Variants in ZFYVE1 observed in about 807,000 individuals in gnomAD.
ZFYVE1 encodes the protein zinc finger FYVE domain-containing protein 1.
In ZFYVE1, 30 loss-of-function variants were observed where a neutral mutation model predicts 74.4. The ratio of observed to expected loss-of-function variants is 0.40; its 90% CI spans 0.30 to 0.55. ZFYVE1 has a LOEUF of 0.55. ZFYVE1 is among the 20% of genes least tolerant of loss of function. ZFYVE1 has a pLI of 0.42. For synonymous variants in ZFYVE1, 335 were observed against 385.1 expected (o/e 0.87, Z 1.52); for missense variants, 703 against 1,011.6 (o/e 0.69, Z 4.14).
Position 73,024,666 on chromosome 14 carries a change from C to G in ZFYVE1, c.-158G>C. Reference sequence around the variant, plus strand: ...TTTCATGTCCTGTTATAGTTCTTCACAAACAAATGTTCAAATTTTTAATTT... The same window carrying G: ...TTTCATGTCCTGTTATAGTTCTTCAGAAACAAATGTTCAAATTTTTAATTT... On this transcript the variant is annotated 5_prime_UTR_variant, in exon 2 of 12. Transcript: ENST00000556143. 1 of 1,114,232 alleles carries G rather than the reference C, an allele frequency of 9.0e-7. No homozygotes were observed. Among genetic ancestry groups the G allele is most frequent in the South Asian group, 2.1e-5 (1 of 47,776 alleles). 69.0% of individuals were successfully genotyped at this position (1,114,232 alleles called of 1,614,324 possible).
rs990017708 is a variant in ZFYVE1 at position 73,005,071 on chromosome 14, C to G, written c.484-6756G>C. On this transcript the variant is annotated intron_variant, in intron 2 of 11. Transcript: ENST00000556143. Reference sequence around the variant, plus strand: ...AAATAAACAGATACGCAGGAAAATGCTGGCACACTGAAACCACACTTCTCT... The same window carrying G: ...AAATAAACAGATACGCAGGAAAATGGTGGCACACTGAAACCACACTTCTCT... 5.9e-5 allele frequency among the ~76,000 whole-genome samples: 9 copies of G among 152,002 alleles called. No homozygotes were observed. In the East Asian group the frequency reaches 9.7e-4, roughly 16 times the overall value.
Position 72,969,919 on chromosome 14 carries a change from G to A in ZFYVE1, c.*963C>T, listed in dbSNP as rs1423766354. The A allele has an allele frequency of 2.0e-5, 12 of 601,992 alleles. No homozygotes were observed. Among genetic ancestry groups the A allele is most frequent in the Middle Eastern group, 4.0e-4 (1 of 2,506 alleles). The allele number at this position is 601,992 out of a possible 1,614,324, so 37.3% of individuals were successfully genotyped here. On this transcript the variant is annotated 3_prime_UTR_variant, in exon 12 of 12. Transcript: ENST00000556143. Reference sequence around the variant, plus strand: ...GAAGGTTTCTCATGATCGCCCCTCCGAGAGCTAGAGGGGTTGTGTGTCTGG... The same window carrying A: ...GAAGGTTTCTCATGATCGCCCCTCCAAGAGCTAGAGGGGTTGTGTGTCTGG...
chr14:72,986,500 G>A (rs74062624), intron 4 of ZFYVE1, among the ~76,000 whole-genome samples: 2,003 of 147,024 alleles, frequency 0.014, 45 homozygotes, highest in African/African-American at 0.045. Context: ...AAAATCCAAC[G>A]TTAGCATGTT....
chr14:73,021,309 C>G (rs1241233453), intron 2 of ZFYVE1, among the ~76,000 whole-genome samples: 4 of 151,884 alleles, frequency 2.6e-5, no homozygotes, highest in Non-Finnish European at 4.4e-5. Flanking sequence ...GATTGTGCCA[C>G]TGCACTCCAG....
chr14:73,002,683 G>A (rs1019363099), intron 2 of ZFYVE1, among the ~76,000 whole-genome samples: 12 of 151,446 alleles, frequency 7.9e-5, no homozygotes, highest in Non-Finnish European at 1.8e-4. Flanking sequence ...CCAAAGGAGT[G>A]AGGAAGCTTC....
intron 2 of ZFYVE1, among the ~76,000 whole-genome samples, chr14:73,011,470 G>C (rs894297953): frequency 5.9e-5 from 9 of 151,986 alleles, no homozygotes; most frequent in Admixed American, 2.6e-4. Flanking sequence ...CTGGGCAACA[G>C]AGTGAGACCC....
intron 5 of ZFYVE1, among the ~76,000 whole-genome samples, chr14:72,979,668 AAT>A (rs1893273553): frequency 1.3e-5 from 2 of 151,958 alleles, no homozygotes; most frequent in African/African-American, 4.8e-5. Context: ...AAAAAAAAAA[AAT>A]ACACCCAGAA....
chr14:72,973,981 C>T, intron 11 of ZFYVE1, 99 bp downstream of exon 11: 1 of 968,194 alleles, frequency 1.0e-6, no homozygotes, highest in Non-Finnish European at 1.6e-6. Flanking sequence ...CCACCCATCT[C>T]AATCTAGGTT....
At chr14:72,974,026 T>C in intron 11 of ZFYVE1, 54 bp downstream of exon 11, 2 of 1,554,598 alleles carry the variant, frequency 1.3e-6, no homozygotes, top group South Asian at 2.2e-5. Flanking sequence ...CCAGGGCACC[T>C]GAAACCCCTC....
At chr14:73,026,085 A>G (rs1488077296) in intron 1 of ZFYVE1, among the ~76,000 whole-genome samples, 1 of 152,120 alleles carries the variant, frequency 6.6e-6, no homozygotes, top group Non-Finnish European at 1.5e-5. Flanking sequence ...TCATCTTTAA[A>G]AACAATTTTT....
At chr14:73,004,638 G>T (rs138055666) in intron 2 of ZFYVE1, among the ~76,000 whole-genome samples, 1 of 152,168 alleles carries the variant, frequency 6.6e-6, no homozygotes, top group African/African-American at 2.4e-5. Flanking sequence ...AAAGCTCCAG[G>T]CTGTTTTTTC....
At chr14:72,984,112 G>A (rs979725796) in intron 4 of ZFYVE1, among the ~76,000 whole-genome samples, 107 of 152,280 alleles carry the variant, frequency 7.0e-4, no homozygotes, top group Non-Finnish European at 1.4e-3. Flanking sequence ...CTACTGCAGA[G>A]GCCATAGAAC....
intron 5 of ZFYVE1, among the ~76,000 whole-genome samples, chr14:72,980,163 G>A (rs1157741178): frequency 6.6e-6 from 1 of 152,142 alleles, no homozygotes; most frequent in Non-Finnish European, 1.5e-5. Context: ...CCTTGCCCAG[G>A]CTGTATAATC....
chr14:72,972,956 T>C (rs1028800646), intron 11 of ZFYVE1, among the ~76,000 whole-genome samples: 3 of 152,132 alleles, frequency 2.0e-5, no homozygotes, highest in Admixed American at 2.0e-4. Context: ...CCACCTGCCT[T>C]GGCCTCCCAA....
intron 2 of ZFYVE1, among the ~76,000 whole-genome samples, chr14:73,021,670 T>C (rs1894322016): frequency 6.6e-6 from 1 of 152,218 alleles, no homozygotes; most frequent in Non-Finnish European, 1.5e-5. Flanking sequence ...GTCCCAAAAA[T>C]GCTGCTTGCA....
At chr14:72,993,416 A>G in intron 3 of ZFYVE1, 59 bp from the exon 4 acceptor site, 1 of 1,470,668 alleles carries the variant, frequency 6.8e-7, no homozygotes, top group Non-Finnish European at 9.2e-7. Flanking sequence ...AAAAAAAAAA[A>G]AGTAGGCCAG....
intron 2 of ZFYVE1, among the ~76,000 whole-genome samples, chr14:73,012,166 GAGAA>G (rs1894104515): frequency 6.6e-6 from 1 of 152,128 alleles, no homozygotes; most frequent in Non-Finnish European, 1.5e-5. Context: ...AAGGTAGGGA[GAGAA>G]AGAAAGGAAA....
At position 72,975,165 on chromosome 14, in the gene ZFYVE1, G is replaced by T; in HGVS notation, c.1807-206C>A. On this transcript the variant is annotated intron_variant, in intron 9 of 11. Transcript: ENST00000556143. This position sits in a 1 kb window ranked among gnomAD's most constrained non-coding sequence, Gnocchi z 4.1. ...GAGTTTCCTTTCACTAAGTGTCTGG[G>T]TTGAAGCTGGGTGCTCTCTTGCTCT... 1 of 580,848 alleles carries T rather than the reference G, an allele frequency of 1.7e-6. No individual in the cohort carries two copies. Among genetic ancestry groups the T allele is most frequent in the Non-Finnish European group, 2.9e-6 (1 of 344,174 alleles). 36.0% of individuals were successfully genotyped at this position (580,848 alleles called of 1,614,324 possible).
intron 2 of ZFYVE1, among the ~76,000 whole-genome samples, chr14:73,022,202 TC>T (rs951436074): frequency 1.3e-5 from 2 of 152,220 alleles, no homozygotes; most frequent in African/African-American, 4.8e-5. Context: ...AGGTCACTCT[TC>T]CATAACTCTA....
Sources: allele counts gnomAD v4.1 joint callset (sites outside exome capture counted in the v4.1 genomes callset), GRCh38; gene constraint gnomAD v4.1.1; non-coding constraint Gnocchi (gnomAD v3.1); transcripts MANE v1.5; gene names NCBI Gene and HGNC (gene_info 2026-07-23, HGNC 2026-07-21).